The following MUC5B variants were observed in gnomAD, a reference collection of about 807,000 sequenced individuals.
The protein encoded by MUC5B is mucin 5B, oligomeric mucus/gel-forming.
A neutral mutation model predicts 376.9 loss-of-function variants in MUC5B; 116 were observed. That is an observed-to-expected ratio of 0.31 (90% confidence interval 0.26 to 0.36). The LOEUF is 0.36. MUC5B is among the 10% of genes least tolerant of loss of function. The pLI is 1.00. For missense variants in MUC5B, 7,165 were observed against 7,769.9 expected, an observed-to-expected ratio of 0.92 and a Z score of 2.93; for synonymous variants, 3,517 against 3,390.9, an observed-to-expected ratio of 1.04 and a Z score of -1.29.
At position 1,232,727 on chromosome 11, in the gene MUC5B, C is replaced by G. The variant is rs577898308; in HGVS notation, c.2022C>G (p.Ala674=). Residue 674 remains alanine (A), a synonymous_variant, in exon 17 of 49, where the codon GCC becomes GCG. Transcript: ENST00000529681. The part of the protein sequence containing the change: ...AALSSYVHAC[A]AKGVQLSDWR... ...TGTCCTCCTATGTGCACGCCTGTGC[C>G]GCCAAGGGCGTACAGCTCAGCGACT... The G allele has an allele frequency of 7.4e-5, 118 of 1,600,876 alleles. No individual in the cohort carries two copies. The highest frequency in any genetic ancestry group is 9.6e-5 in the Non-Finnish European group (113 of 1,174,398).
chr11:1,236,985 C>A lies in MUC5B; in HGVS notation c.3118C>A (p.Arg1040Ser). ...CAATGCCATCAATGACTTTGCCACGCGTAGCCGGTCCGTGGTGGGGGACGC... is the reference window on the plus strand; with the variant it reads ...CAATGCCATCAATGACTTTGCCACGAGTAGCCGGTCCGTGGTGGGGGACGC... The part of the protein sequence containing the change: ...DDNAINDFAT[R>S]SRSVVGDALE... Residue 1040 changes from arginine to serine, a missense_variant, in exon 25 of 49, where the codon CGT becomes AGT. Physicochemically the swap from Arg to Ser is moderately radical, Grantham distance 110. Coordinates refer to ENST00000529681, the MANE Select transcript of MUC5B (RefSeq NM_002458.3). 1.3e-6 allele frequency: 2 copies of A among 1,565,070 alleles called. No homozygotes were observed. Among genetic ancestry groups the A allele is most frequent in the Non-Finnish European group, 1.7e-6 (2 of 1,153,840 alleles).
At position 1,250,038 on chromosome 11, in the gene MUC5B, G is replaced by T. The variant is rs367839579; in HGVS notation, c.13158G>T (p.Pro4386=). The T allele has an allele frequency of 1.9e-6, 3 of 1,610,880 alleles. No homozygotes were observed. The highest frequency in any genetic ancestry group is 2.5e-6 in the Non-Finnish European group (3 of 1,178,870). Residue 4386 remains proline (P), a synonymous_variant, in exon 31 of 49, where the codon CCG becomes CCT. Transcript: ENST00000529681. ...TSSTSTPSST[P]GTTWILTELT... ...CCACGTCCACCCCCTCCTCCACTCC[G>T]GGGACGACCTGGATCCTCACAGAGC...
rs747607630 is a variant in MUC5B at position 1,237,044 on chromosome 11, C to T, written c.3177C>T (p.Pro1059=). 4 of 1,581,348 alleles carry T rather than the reference C, an allele frequency of 2.5e-6. No homozygotes were observed. Among genetic ancestry groups the T allele is most frequent in the Admixed American group, 1.8e-5 (1 of 55,698 alleles). ...LEFGNSWKLS[P]SCPDALAPKD... is the part of the protein sequence containing the mutation. ...TTGGGAACAGCTGGAAGCTCTCCCC[C>T]TCCTGCCCGGACGCCCTGGCACCCA... Residue 1059 remains proline (P), a synonymous_variant, in exon 25 of 49, where the codon CCC becomes CCT. Coordinates refer to ENST00000529681, the MANE Select transcript of MUC5B (RefSeq NM_002458.3).
rs760039942 is a variant in MUC5B, at chr11:1,232,699, C to T, written c.1994C>T (p.Ala665Val). ...CERSEDCLCA[A>V]LSSYVHACAA... The stretch of plus-strand genomic sequence containing the variant: ...CGGAGCGAGGACTGCCTGTGCGCCG[C>T]GCTGTCCTCCTATGTGCACGCCTGT... The change falls in exon 17 of 49, where the codon GCG (alanine) becomes GTG (valine). Residue 665 changes from alanine (A) to valine (V), a missense_variant. Ala to Val is a moderately conservative substitution (Grantham distance 64). Around this residue, in one of 31 missense-constraint regions of MUC5B, gnomAD observed 530 missense variants for 604.0 expected, o/e 0.88. Transcript: ENST00000529681. The T allele has an allele frequency of 2.9e-5, 47 of 1,599,536 alleles. No individual in the cohort carries two copies. Among genetic ancestry groups the T allele is most frequent in the East Asian group, 1.1e-4 (5 of 44,082 alleles).
intron 24 of MUC5B, 89 bp downstream of exon 24, chr11:1,236,651 T>A: frequency 7.2e-7 from 1 of 1,381,782 alleles, no homozygotes; most frequent in Non-Finnish European, 9.9e-7. Context: ...TGGGACTCGC[T>A]GACCCGTGGG....
At chr11:1,225,534 G>A (rs763290838) in intron 1 of MUC5B, 147 bp from the exon 2 acceptor site, 8 of 706,648 alleles carry the variant, frequency 1.1e-5, no homozygotes, top group African/African-American at 7.2e-5. Context: ...ACAGTGTGTC[G>A]TGAGGGTGAA....
Position 1,246,955 on chromosome 11 carries a change from G to A in MUC5B, c.10075G>A (p.Ala3359Thr), listed in dbSNP as rs200708304. 85 of 1,585,444 alleles carry A rather than the reference G, an allele frequency of 5.4e-5. No homozygotes were observed. Among genetic ancestry groups the A allele is most frequent in the South Asian group, 8.9e-5 (8 of 89,830 alleles). ...PSSIPGTTHT[A>T]TVLTTTTTTV... ...CTCCATCCCGGGGACCACCCACACCGCCACAGTGCTGACCACCACCACCAC... is the reference window on the plus strand; with the variant it reads ...CTCCATCCCGGGGACCACCCACACCACCACAGTGCTGACCACCACCACCAC... The change falls in exon 31 of 49, where the codon GCC becomes ACC. Residue 3359 changes from alanine (A) to threonine (T), a missense_variant. Transcript: ENST00000529681.
At chr11:1,229,652 G>A (rs762485514) in intron 9 of MUC5B, 38 bp from the exon 10 acceptor site, 10 of 1,507,792 alleles carry the variant, frequency 6.6e-6, no homozygotes, top group African/African-American at 5.5e-5. Flanking sequence ...GGTGTCCCCC[G>A]TGCATGGGCC....
Position 1,254,255 on chromosome 11 carries a change from C to T in MUC5B, c.15381C>T (p.Ala5127=), listed in dbSNP as rs569178429. The change falls in exon 34 of 49, where the codon GCC becomes GCT. Residue 5127 remains alanine (A), a synonymous_variant. Transcript: ENST00000529681. ...ACTACTGCACGGCCTCTGCCACTGC[C>T]GCTGCCGCCCGCTGCCCCCGCGCCC... is the stretch of plus-strand genomic sequence containing the variant. The part of the protein sequence containing the change: ...DNHYCTASAT[A]AAARCPRALS... The T allele has an allele frequency of 2.4e-5, 39 of 1,612,242 alleles. No homozygotes were observed. Among genetic ancestry groups the T allele is most frequent in the Middle Eastern group, 1.6e-4 (1 of 6,062 alleles).
chr11:1,248,512 T>C lies in MUC5B; in HGVS notation c.11632T>C (p.Ser3878Pro). The change falls in exon 31 of 49, where the codon TCC becomes CCC. Residue 3878 changes from serine to proline, a missense_variant. Coordinates refer to ENST00000529681, the MANE Select transcript of MUC5B (RefSeq NM_002458.3). ...TTTTGFTVTP[S>P]SSPGTARTPP... The stretch of plus-strand genomic sequence containing the variant: ...AACCACGGGCTTCACAGTCACCCCC[T>C]CCTCCAGCCCAGGGACGGCACGCAC... The C allele has an allele frequency of 6.2e-7, 1 of 1,611,308 alleles. No homozygotes were observed. Among genetic ancestry groups the C allele is most frequent in the South Asian group, 1.1e-5 (1 of 90,982 alleles).
Position 1,248,041 on chromosome 11 carries a change from A to C in MUC5B, c.11161A>C (p.Ile3721Leu). 3.7e-6 allele frequency: 6 copies of C among 1,607,088 alleles called. No individual in the cohort carries two copies. Among genetic ancestry groups the C allele is most frequent in the Non-Finnish European group, 4.2e-6 (5 of 1,177,156 alleles). ...GTCCTCCACCCCAGGGACCACCTGG[A>C]TCCTCACAGAGCCGAGCACTACAGC... ...TPSSTPGTTWILTEPSTTATV... is the reference protein window; with the variant it reads ...TPSSTPGTTWLLTEPSTTATV... The change falls in exon 31 of 49, where the codon ATC becomes CTC. Residue 3721 changes from isoleucine (I) to leucine (L), a missense_variant. By Grantham distance (5) the Ile-to-Leu change is conservative. This residue lies in a region of MUC5B where 90 missense variants were observed against 71.1 expected (regional missense o/e 1.27). Coordinates refer to ENST00000529681, the MANE Select transcript of MUC5B (RefSeq NM_002458.3).
At chr11:1,235,534 G>T (rs1862137993) in intron 23 of MUC5B, 121 bp downstream of exon 23, 2 of 826,194 alleles carry the variant, frequency 2.4e-6, no homozygotes, top group Admixed American at 2.3e-5. Context: ...GCCCCGGGCT[G>T]CTGTTCCAAG....
intron 13 of MUC5B, 103 bp from the exon 14 acceptor site, chr11:1,231,320 G>C (rs555878301): frequency 3.7e-6 from 5 of 1,364,844 alleles, no homozygotes; most frequent in African/African-American, 1.5e-5. Flanking sequence ...TCTCACTCCC[G>C]GGTCTCAGTG....
At chr11:1,224,980 T>G (rs921671072) in intron 1 of MUC5B, among the ~76,000 whole-genome samples, 2 of 152,170 alleles carry the variant, frequency 1.3e-5, no homozygotes, top group African/African-American at 4.8e-5. Context: ...CCGGGGGTCC[T>G]CAGAGTCCTG....
chr11:1,232,401 T>C (rs1206869730), intron 15 of MUC5B, 49 bp from the exon 16 acceptor site: 16 of 1,540,106 alleles, frequency 1.0e-5, no homozygotes, highest in African/African-American at 2.7e-5. Flanking sequence ...GTGTCAGGGG[T>C]GTGGGCTTCG....
intron 14 of MUC5B, 58 bp from the exon 15 acceptor site, chr11:1,231,938 G>A (rs781071382): frequency 9.3e-6 from 15 of 1,605,648 alleles, no homozygotes; most frequent in Non-Finnish European, 1.3e-5. Context: ...GATGGCAGGG[G>A]CCAGGAGCCA....
chr11:1,225,191 TTCTGCTAAG>T (rs1861852433), intron 1 of MUC5B, among the ~76,000 whole-genome samples: 1 of 152,236 alleles, frequency 6.6e-6, no homozygotes. Flanking sequence ...GTGTTTAGGT[TTCTGCTAAG>T]TCACGCCTGG....
In MUC5B at chr11:1,246,858, G is replaced by A. The variant is rs751168302; in HGVS notation, c.9978G>A (p.Thr3326=). 80 of 1,609,692 alleles carry A rather than the reference G, an allele frequency of 5.0e-5. 2 individuals carry two copies. The highest frequency in any genetic ancestry group is 4.0e-4 in the Admixed American group (24 of 59,844). Residue 3326 remains threonine, a synonymous_variant, in exon 31 of 49, where the codon ACG becomes ACA. Transcript: ENST00000529681. The stretch of plus-strand genomic sequence containing the variant: ...CCACCCCCTCCTCCAGCCCAGGGAC[G>A]GCACTCACGCCTCCAGTGTGGATCA... ...FTATPSSSPG[T]ALTPPVWIST...
At position 1,242,353 on chromosome 11, in the gene MUC5B, C is replaced by A; in HGVS notation, c.5473C>A (p.Pro1825Thr). 6.2e-7 allele frequency: 1 copy of A among 1,613,864 alleles called. No individual in the cohort carries two copies. The highest frequency in any genetic ancestry group is 8.5e-7 in the Non-Finnish European group (1 of 1,179,854). The stretch of plus-strand genomic sequence containing the variant: ...TGCTGGGGGCAAGATGTGCTGGGCA[C>A]CAAAGAGCATAGAGTGCCGGGCGGA... ...RAAGGKMCWA[P>T]KSIECRAENY... is the part of the protein sequence containing the mutation. Residue 1825 changes from proline to threonine, a missense_variant, in exon 31 of 49, where the codon CCA becomes ACA. Coordinates refer to ENST00000529681, the MANE Select transcript of MUC5B (RefSeq NM_002458.3).
Sources: gnomAD v4.1 joint callset for allele counts (sites outside exome capture counted in the v4.1 genomes callset) on GRCh38, gnomAD v4.1.1 for gene constraint, gnomAD v4.1.1 regional missense constraint, MANE v1.5 for transcripts, NCBI Gene and HGNC (gene_info 2026-07-23, HGNC 2026-07-21) for gene names.